The following IQGAP2 variants were observed in gnomAD, a reference collection of about 807,000 sequenced individuals.
IQGAP2 encodes the protein IQ motif containing GTPase activating protein 2.
In IQGAP2, 173 loss-of-function variants were observed where a neutral mutation model predicts 201.3. The observed-to-expected ratio is 0.86, with a 90% CI of 0.76 to 0.98. The LOEUF (loss-of-function observed/expected upper bound fraction) is 0.98, where lower values mean the gene tolerates loss of function less well. Among genes scored for constraint, IQGAP2 ranks in the 50% least tolerant of loss-of-function variants. The pLI is 0.00. For missense variants in IQGAP2, 1,687 were observed against 1,864.8 expected (o/e 0.90, Z 1.76); for synonymous variants, 675 against 673.9 (o/e 1.00, Z -0.03).
chr5:76,654,326 C>G (rs1261825525), intron 19 of IQGAP2, 55 bp downstream of exon 19: 1 of 1,138,968 alleles, frequency 8.8e-7, no homozygotes. Flanking sequence ...TAAATGAATG[C>G]TTTATTGAAA....
chr5:76,456,329 G>A (rs891831079), intron 1 of IQGAP2, among the ~76,000 whole-genome samples: 1 of 152,076 alleles, frequency 6.6e-6, no homozygotes, highest in Non-Finnish European at 1.5e-5. Flanking sequence ...TTCGGCCTAG[G>A]GTTTGCCTAT....
At chr5:76,583,457 A>G (rs1233094377) in intron 5 of IQGAP2, among the ~76,000 whole-genome samples, 1 of 152,188 alleles carries the variant, frequency 6.6e-6, no homozygotes, top group African/African-American at 2.4e-5. Flanking sequence ...AAAAAAAAGA[A>G]AAAAAGTTGA....
At chr5:76,477,893 A>G (rs936535757) in intron 2 of IQGAP2, among the ~76,000 whole-genome samples, 2 of 152,140 alleles carry the variant, frequency 1.3e-5, no homozygotes, top group African/African-American at 2.4e-5. Flanking sequence ...AAAATTAAAA[A>G]GTTAAAAATA....
At chr5:76,640,904 G>T in intron 16 of IQGAP2, 29 bp from the exon 17 acceptor site, 1 of 1,531,952 alleles carries the variant, frequency 6.5e-7, no homozygotes, top group Admixed American at 1.8e-5. Context: ...GATGTGTGAA[G>T]TGTAACCATA....
chr5:76,505,036 C>T (rs1185063898), intron 2 of IQGAP2, among the ~76,000 whole-genome samples: 4 of 152,158 alleles, frequency 2.6e-5, no homozygotes, highest in African/African-American at 9.7e-5. Context: ...AGGTCATGTC[C>T]TCTGGGGAGG....
intron 1 of IQGAP2, among the ~76,000 whole-genome samples, chr5:76,405,573 G>C (rs1306429749): frequency 1.3e-5 from 2 of 152,144 alleles, no homozygotes; most frequent in Non-Finnish European, 2.9e-5. Flanking sequence ...TTATAATTTT[G>C]GTTTATGAAT....
intron 2 of IQGAP2, among the ~76,000 whole-genome samples, chr5:76,514,226 G>T (rs147304695): frequency 2.7e-3 from 408 of 152,012 alleles, no homozygotes; most frequent in African/African-American, 9.5e-3. Context: ...GTTTCACCAT[G>T]TTGGCCTGGC....
At chr5:76,615,244 T>C (rs543713382) in intron 13 of IQGAP2, among the ~76,000 whole-genome samples, 1 of 152,382 alleles carries the variant, frequency 6.6e-6, no homozygotes, top group African/African-American at 2.4e-5. Context: ...CGAATATTGC[T>C]GTATTTTTTC....
At chr5:76,618,802 A>G (rs1352465892) in intron 13 of IQGAP2, among the ~76,000 whole-genome samples, 2 of 152,244 alleles carry the variant, frequency 1.3e-5, no homozygotes, top group Non-Finnish European at 2.9e-5. Flanking sequence ...TATTTAATAC[A>G]TATCATATGC....
intron 2 of IQGAP2, among the ~76,000 whole-genome samples, chr5:76,560,146 G>A (rs999091544): frequency 6.6e-6 from 1 of 152,054 alleles, no homozygotes; most frequent in African/African-American, 2.4e-5. Context: ...CCAGAAATAT[G>A]CAATAGGAAC....
At chr5:76,558,140 C>G (rs922195299) in intron 2 of IQGAP2, among the ~76,000 whole-genome samples, 1 of 152,126 alleles carries the variant, frequency 6.6e-6, no homozygotes, top group African/African-American at 2.4e-5. Context: ...CACATATATC[C>G]TAATATAGAC....
chr5:76,477,429 C>T (rs1755504861), intron 2 of IQGAP2, among the ~76,000 whole-genome samples: 1 of 152,158 alleles, frequency 6.6e-6, no homozygotes, highest in African/African-American at 2.4e-5. Flanking sequence ...TTATGTTCTG[C>T]ATAACAATAT....
intron 2 of IQGAP2, among the ~76,000 whole-genome samples, chr5:76,555,195 G>A (rs1743855189): frequency 6.6e-6 from 1 of 152,176 alleles, no homozygotes; most frequent in Non-Finnish European, 1.5e-5. Flanking sequence ...TCGGTGTAAG[G>A]AAGATGTTCT....
intron 28 of IQGAP2, 147 bp downstream of exon 28, chr5:76,677,497 C>A: frequency 1.6e-6 from 1 of 614,946 alleles, no homozygotes; most frequent in Non-Finnish European, 2.6e-6. Context: ...TTATTTATTC[C>A]ATGACTCTTA....
intron 30 of IQGAP2, among the ~76,000 whole-genome samples, chr5:76,686,675 A>T (rs938422134): frequency 2.0e-5 from 3 of 151,872 alleles, no homozygotes; most frequent in Admixed American, 2.0e-4. Flanking sequence ...ATGCCCAGCT[A>T]ATTTTTTGTG....
At chr5:76,584,420 G>A (rs995989791) in intron 5 of IQGAP2, among the ~76,000 whole-genome samples, 6 of 152,168 alleles carry the variant, frequency 3.9e-5, no homozygotes, top group African/African-American at 1.4e-4. Context: ...GAATTCGATT[G>A]ACTGAGAAAC....
In IQGAP2 at chr5:76,627,475, C is replaced by T. The variant is rs775996899; in HGVS notation, c.1587C>T (p.Asn529=). 43 of 1,589,236 alleles carry T rather than the reference C, an allele frequency of 2.7e-5. No individual in the cohort carries two copies. In the Middle Eastern group the frequency reaches 6.6e-4, roughly 24 times the overall value. Residue 529 remains asparagine, a synonymous_variant, in exon 14 of 36, where the codon AAC becomes AAT. Transcript: ENST00000274364. The stretch of plus-strand genomic sequence containing the variant: ...TACAGCAAGCCGTCGATGATGCCAA[C>T]GTGGACAAGGACAGAGCAAAACAAT... ...DEIQQAVDDA[N]VDKDRAKQWV...
chr5:76,656,883 G>T, intron 20 of IQGAP2, among the ~76,000 whole-genome samples: 1 of 124,232 alleles, frequency 8.0e-6, no homozygotes. Flanking sequence ...TAAGGCTTTG[G>T]GATTTTCTAA....
intron 2 of IQGAP2, among the ~76,000 whole-genome samples, chr5:76,532,112 T>G (rs146646714): frequency 1.7e-4 from 26 of 152,354 alleles, no homozygotes; most frequent in African/African-American, 6.3e-4. Context: ...GAGGGGGACA[T>G]AAGCATTCAG....
Sources: gnomAD v4.1 joint callset for allele counts (sites outside exome capture counted in the v4.1 genomes callset) on GRCh38, gnomAD v4.1.1 for gene constraint, MANE v1.5 for transcripts, NCBI Gene and HGNC (gene_info 2026-07-23, HGNC 2026-07-21) for gene names.